Variants in RGS13 observed in about 807,000 individuals in gnomAD.
RGS13 encodes the protein regulator of G-protein signalling 13.
In RGS13, 14 loss-of-function variants were observed where a neutral mutation model predicts 19.9. That is an observed-to-expected ratio of 0.70 (90% CI 0.46 to 1.10). The LOEUF is 1.10. Ranked by LOEUF, RGS13 falls within the 50% of genes least tolerant of loss-of-function variation. The probability of loss-of-function intolerance (pLI) is 0.00; values close to 1 mark genes in which losing one functional copy is unlikely to be tolerated. For missense variants in RGS13, 205 were observed against 187.1 expected, an observed-to-expected ratio of 1.10 and a Z score of -0.56; for synonymous variants, 60 against 56.8, an observed-to-expected ratio of 1.06 and a Z score of -0.25.
At chr1:192,648,683 A>G (rs1663262699) in intron 5 of RGS13, among the ~76,000 whole-genome samples, 1 of 152,100 alleles carries the variant, frequency 6.6e-6, no homozygotes, top group African/African-American at 2.4e-5. Context: ...TTTTTTTTAA[A>G]TGGAGTTGGT....
intron 5 of RGS13, among the ~76,000 whole-genome samples, chr1:192,652,548 T>C (rs1357919375): frequency 6.6e-6 from 1 of 152,014 alleles, no homozygotes; most frequent in Non-Finnish European, 1.5e-5. Context: ...TTCTTCACCT[T>C]GCAAAGGGGG....
At chr1:192,646,607 C>T (rs1571582083) in intron 4 of RGS13, 1 of 152,086 alleles carries the variant, frequency 6.6e-6, no homozygotes, top group Non-Finnish European at 1.5e-5. Flanking sequence ...AGGTAGTAAG[C>T]CCAGCATCCA....
chr1:192,652,581 A>G (rs573872382), intron 5 of RGS13, among the ~76,000 whole-genome samples: 1 of 152,092 alleles, frequency 6.6e-6, no homozygotes, highest in South Asian at 2.1e-4. Context: ...CCTAGAATAG[A>G]CATCACTGTC....
chr1:192,645,525 C>A (rs1236812447), intron 4 of RGS13: 1 of 152,094 alleles, frequency 6.6e-6, no homozygotes, highest in Non-Finnish European at 1.5e-5. Context: ...GGGATTAGAA[C>A]CTAGGACTGT....
chr1:192,644,295 G>T (rs1203688086), intron 3 of RGS13, 36 bp from the exon 4 acceptor site: 3 of 1,399,324 alleles, frequency 2.1e-6, no homozygotes, highest in African/African-American at 1.4e-5. Flanking sequence ...TATTTTAAAT[G>T]ATTAAATTAT....
At chr1:192,641,845 G>A (rs1218609561) in intron 3 of RGS13, among the ~76,000 whole-genome samples, 1 of 152,098 alleles carries the variant, frequency 6.6e-6, no homozygotes, top group African/African-American at 2.4e-5. Context: ...TTATCCTGAA[G>A]CCAAATCTCT....
intron 3 of RGS13, among the ~76,000 whole-genome samples, chr1:192,639,364 G>T (rs59105666): frequency 0.47 from 71,091 of 151,304 alleles, 16,704 homozygotes; most frequent in South Asian, 0.51. Context: ...CAACCATCTG[G>T]GTGATACACA....
chr1:192,648,495 G>A (rs543174638), intron 5 of RGS13, among the ~76,000 whole-genome samples: 34 of 152,242 alleles, frequency 2.2e-4, no homozygotes, highest in African/African-American at 7.2e-4. Flanking sequence ...ATGTGACAGA[G>A]ACAAAGTCAT....
At chr1:192,644,078 G>A (rs749905184) in intron 3 of RGS13, among the ~76,000 whole-genome samples, 2 of 152,140 alleles carry the variant, frequency 1.3e-5, no homozygotes, top group Non-Finnish European at 2.9e-5. Flanking sequence ...GAACCTCATT[G>A]TTTAATAAAT....
Position 192,659,373 on chromosome 1 carries a change from C to A in RGS13, c.330C>A (p.Ile110=), listed in dbSNP as rs1157948414. The change falls in exon 7 of 7, where the codon ATC becomes ATA. Residue 110 remains isoleucine, a synonymous_variant. Transcript: ENST00000391995. ...ACAGTTCGACAAGAGAGACTATCAT[C>A]AGGAACATTCAGGAACCCACTGAAA... The part of the protein sequence containing the change: ...NIDSSTRETI[I]RNIQEPTETC... 6.2e-7 allele frequency: 1 copy of A among 1,612,604 alleles called. No individual in the cohort carries two copies. Among genetic ancestry groups the A allele is most frequent in the Non-Finnish European group, 8.5e-7 (1 of 1,179,216 alleles).
chr1:192,637,505 G>A (rs1663037109), intron 1 of RGS13, 85 bp from the exon 2 acceptor site: 1 of 151,884 alleles, frequency 6.6e-6, no homozygotes, highest in Admixed American at 6.6e-5. Flanking sequence ...AGCATTTACA[G>A]TAATCTTTGC....
rs1663562454 is a variant in RGS13 at position 192,659,213 on chromosome 1, A to G, written c.295-125A>G. The G allele has an allele frequency of 6.8e-6, 4 of 591,004 alleles. No homozygotes were observed. The Admixed American group carries it at 1.5e-4, about 22-fold the overall frequency. The allele number at this position is 591,004 out of a possible 1,614,324, so 36.6% of individuals were successfully genotyped here. A position where few individuals can be genotyped will look rare whatever the true frequency, so the allele number is the denominator to read the frequency against. ...ATATATCTTCTTAGATGCCTATAAA[A>G]CTACAAAGAAAATTACCCTATTCCA... is the stretch of plus-strand genomic sequence containing the variant. On this transcript the variant is annotated intron_variant, in intron 6 of 6. Transcript: ENST00000391995.
chr1:192,649,021 G>A (rs1293859833), intron 5 of RGS13, among the ~76,000 whole-genome samples: 3 of 152,068 alleles, frequency 2.0e-5, no homozygotes, highest in Non-Finnish European at 2.9e-5. Context: ...GCTGAAACAC[G>A]TTAATCAACC....
chr1:192,641,307 A>AAAGAAG (rs1663117567), intron 3 of RGS13, among the ~76,000 whole-genome samples: 2 of 55,352 alleles, frequency 3.6e-5, no homozygotes, highest in South Asian at 1.4e-3. Context: ...AGAAAGAAAG[A>AAAGAAG]AAAGAAAGAA....
rs1663561959 is a variant in RGS13 at position 192,659,187 on chromosome 1, T to C, written c.295-151T>C. On this transcript the variant is annotated intron_variant, in intron 6 of 6. Coordinates refer to ENST00000391995, the MANE Select transcript of RGS13 (RefSeq NM_002927.5). Reference sequence around the variant, plus strand: ...TTAAAAGAGCAAAATGTTTATTTTTTATATATCTTCTTAGATGCCTATAAA... The same window carrying C: ...TTAAAAGAGCAAAATGTTTATTTTTCATATATCTTCTTAGATGCCTATAAA... 6 of 488,166 alleles carry C rather than the reference T, an allele frequency of 1.2e-5. No homozygotes were observed. In the South Asian group the frequency reaches 3.4e-4, roughly 28 times the overall value. The allele number at this position is 488,166 out of a possible 1,614,324, so 30.2% of individuals were successfully genotyped here.
chr1:192,655,131 C>T (rs1463092883), intron 5 of RGS13, among the ~76,000 whole-genome samples: 1 of 152,110 alleles, frequency 6.6e-6, no homozygotes, highest in Non-Finnish European at 1.5e-5. Context: ...TTAATAATTA[C>T]TAAGATTCCT....
chr1:192,658,556 G>A (rs189022697), intron 6 of RGS13, 189 bp downstream of exon 6: 2 of 465,988 alleles, frequency 4.3e-6, no homozygotes, highest in Admixed American at 7.6e-5. Flanking sequence ...GTGTCACACA[G>A]CCATTAAGTG....
In RGS13 at chr1:192,655,172, C is replaced by T. The variant is rs77829046; in HGVS notation, c.128-3029C>T. 8.0e-3 allele frequency among the ~76,000 whole-genome samples: 1,222 copies of T among 152,160 alleles called. 44 individuals carry two copies. The highest frequency in any genetic ancestry group is 0.063 in the Admixed American group (961 of 15,240). The stretch of plus-strand genomic sequence containing the variant: ...ACTTTTACACAAATGCATTTTCAGC[C>T]GCTAGCTTGAGTAACTTGCAGCATA... On this transcript the variant is annotated intron_variant, in intron 5 of 6. Transcript: ENST00000391995.
intron 3 of RGS13, among the ~76,000 whole-genome samples, chr1:192,641,268 A>AAG (rs1663112419): frequency 8.9e-6 from 1 of 112,290 alleles, no homozygotes; most frequent in African/African-American, 2.7e-5. Flanking sequence ...GAAAGAAAGA[A>AAG]AGAAAGAAAG....
Sources: allele counts gnomAD v4.1 joint callset (sites outside exome capture counted in the v4.1 genomes callset), GRCh38; gene constraint gnomAD v4.1.1; transcripts MANE v1.5; gene names NCBI Gene and HGNC (gene_info 2026-07-23, HGNC 2026-07-21).